Variants in MAGI1 observed in about 807,000 individuals in gnomAD.
The protein encoded by MAGI1 is membrane associated guanylate kinase, WW and PDZ domain containing 1.
A neutral mutation model predicts 139.9 loss-of-function variants in MAGI1; 58 were observed. The ratio of observed to expected loss-of-function variants is 0.41; its 90% confidence interval spans 0.34 to 0.52. The LOEUF (loss-of-function observed/expected upper bound fraction) is 0.52, where lower values mean the gene tolerates loss of function less well. MAGI1 is among the 20% of genes least tolerant of loss of function. The pLI is 0.12. For missense variants in MAGI1, 1,874 were observed against 1,901.6 expected, an observed-to-expected ratio of 0.99 and a Z score of 0.27; for synonymous variants, 812 against 737.9, an observed-to-expected ratio of 1.10 and a Z score of -1.63.
At chr3:65,481,133 T>C (rs943976927) in intron 3 of MAGI1, among the ~76,000 whole-genome samples, 1 of 152,142 alleles carries the variant, frequency 6.6e-6, no homozygotes, top group Non-Finnish European at 1.5e-5. Context: ...ACTCAATCAT[T>C]CAAGTGTTTT....
chr3:65,723,945 C>A (rs1465133367), intron 1 of MAGI1, among the ~76,000 whole-genome samples: 2 of 152,172 alleles, frequency 1.3e-5, no homozygotes, highest in Non-Finnish European at 2.9e-5. Context: ...TAAAAATCTA[C>A]TAGGTGTACC....
chr3:65,597,914 A>C (rs1477289937), intron 2 of MAGI1: 1 of 300,832 alleles, frequency 3.3e-6, no homozygotes, highest in East Asian at 9.6e-5. Flanking sequence ...GGCTGTAAAG[A>C]GAGGCGGGGG....
At chr3:66,004,978 G>T (rs17074263) in intron 1 of MAGI1, among the ~76,000 whole-genome samples, 2,148 of 152,196 alleles carry the variant, frequency 0.014, 96 homozygotes, top group Admixed American at 0.096. Context: ...ATTGCAGCTT[G>T]GTTCCTTCTG....
intron 2 of MAGI1, among the ~76,000 whole-genome samples, chr3:65,508,957 A>C (rs2077424262): frequency 6.6e-6 from 1 of 152,212 alleles, no homozygotes; most frequent in South Asian, 2.1e-4. Flanking sequence ...CAGCAGGGTA[A>C]GACTGCCATT....
rs2089317674 is a variant in MAGI1 at position 65,697,690 on chromosome 3, A to C, written c.314-75602T>G. On this transcript the variant is annotated intron_variant, in intron 1 of 22. Coordinates refer to ENST00000402939, the MANE Select transcript of MAGI1 (RefSeq NM_001033057.2). Reference sequence around the variant, plus strand: ...AATTCAATAACCCTTCATGCTAAAAACTCTCAATAAATTAGGTATTGATGG... The same window carrying C: ...AATTCAATAACCCTTCATGCTAAAACCTCTCAATAAATTAGGTATTGATGG... Among the ~76,000 whole-genome samples, 4 of 110,832 alleles carry C rather than the reference A, an allele frequency of 3.6e-5. 1 individual carries two copies. In the South Asian group the frequency reaches 1.1e-3, roughly 30 times the overall value. 72.7% of individuals were successfully genotyped at this position (110,832 alleles called of 152,430 possible).
rs2067889945 is a variant in MAGI1, at chr3:66,020,249, C to T, written c.313+17747G>A. 2.0e-5 allele frequency among the ~76,000 whole-genome samples: 3 copies of T among 152,128 alleles called. No individual in the cohort carries two copies. In the South Asian group the frequency reaches 6.2e-4, roughly 32 times the overall value. On this transcript the variant is annotated intron_variant, in intron 1 of 22. Transcript: ENST00000402939. ...GAGCTCAGTTTGAGACCAGCCTAGC[C>T]AACATGGTGAAACTCCATCTCTATT...
chr3:65,518,792 C>T (rs976215748), intron 2 of MAGI1, among the ~76,000 whole-genome samples: 3 of 151,806 alleles, frequency 2.0e-5, no homozygotes, highest in Non-Finnish European at 2.9e-5. Flanking sequence ...ATAAATAAAC[C>T]GAGTTTACGT....
At chr3:65,565,765 G>A (rs1268402529) in intron 2 of MAGI1, among the ~76,000 whole-genome samples, 3 of 149,908 alleles carry the variant, frequency 2.0e-5, no homozygotes, top group East Asian at 2.0e-4. Flanking sequence ...GCTGAGGCAG[G>A]AGAATTGCTT....
chr3:65,549,587 G>T, intron 2 of MAGI1: 1 of 553,530 alleles, frequency 1.8e-6, no homozygotes, highest in Non-Finnish European at 2.3e-6. Flanking sequence ...GGGCGGCAGC[G>T]GCGTCAATGC....
At chr3:65,424,507 G>A (rs1472193948) in intron 12 of MAGI1, among the ~76,000 whole-genome samples, 1 of 152,116 alleles carries the variant, frequency 6.6e-6, no homozygotes, top group African/African-American at 2.4e-5. Flanking sequence ...AAAGTATTCA[G>A]TATATGGTCT....
chr3:65,643,802 C>A (rs1311208809), intron 1 of MAGI1, among the ~76,000 whole-genome samples: 1 of 152,172 alleles, frequency 6.6e-6, no homozygotes, highest in Admixed American at 6.5e-5. Flanking sequence ...TATACTTCCA[C>A]CACCACCCAC....
intron 12 of MAGI1, among the ~76,000 whole-genome samples, chr3:65,412,495 T>A (rs1486732255): frequency 6.6e-6 from 1 of 152,238 alleles, no homozygotes; most frequent in East Asian, 1.9e-4. Context: ...TGTTTACTTA[T>A]TGATTGTCTC....
chr3:65,603,341 A>AAT (rs1553678206), intron 2 of MAGI1, among the ~76,000 whole-genome samples: 1 of 152,212 alleles, frequency 6.6e-6, no homozygotes, highest in Non-Finnish European at 1.5e-5. Flanking sequence ...CAGACCAAAA[A>AAT]ATATATATAG....
At chr3:65,408,045 G>A (rs1945496138) in intron 12 of MAGI1, among the ~76,000 whole-genome samples, 1 of 152,174 alleles carries the variant, frequency 6.6e-6, no homozygotes, top group Non-Finnish European at 1.5e-5. Flanking sequence ...AAGCTGCACA[G>A]AAGCACATAA....
intron 1 of MAGI1, among the ~76,000 whole-genome samples, chr3:65,729,072 A>G (rs1576912981): frequency 1.3e-5 from 2 of 148,336 alleles, no homozygotes; most frequent in South Asian, 2.2e-4. Flanking sequence ...TGCATTATCC[A>G]ATAAAAACAA....
At chr3:65,417,916 A>G (rs1448235744) in intron 12 of MAGI1, among the ~76,000 whole-genome samples, 1 of 152,190 alleles carries the variant, frequency 6.6e-6, no homozygotes, top group African/African-American at 2.4e-5. Flanking sequence ...ATTTCAAAGC[A>G]CTGCTTTAGT....
At chr3:65,508,490 T>C (rs181796994) in intron 2 of MAGI1, among the ~76,000 whole-genome samples, 510 of 152,256 alleles carry the variant, frequency 3.3e-3, no homozygotes, top group Non-Finnish European at 6.0e-3. Flanking sequence ...ATAAAGACAA[T>C]AGTCTTTAAA....
intron 1 of MAGI1, among the ~76,000 whole-genome samples, chr3:66,001,162 G>A (rs1482416275): frequency 6.6e-6 from 1 of 152,058 alleles, no homozygotes; most frequent in Non-Finnish European, 1.5e-5. Context: ...GGGGGTGGAG[G>A]ATCTCAAGGC....
In MAGI1 at chr3:65,574,969, A is replaced by C. The variant is rs557156185; in HGVS notation, c.430+47003T>G. Among the ~76,000 whole-genome samples the C allele has an allele frequency of 3.0e-3, 456 of 152,234 alleles. 1 individual carries two copies. Among genetic ancestry groups the C allele is most frequent in the African/African-American group, 9.5e-3 (397 of 41,578 alleles). ...ATAAAACTAAAACCGAAAACCATAA[A>C]ACTTATAGAAGAAAACTTTTGTGAC... On this transcript the variant is annotated intron_variant, in intron 2 of 22. Transcript: ENST00000402939.
Sources: allele counts gnomAD v4.1 joint callset (sites outside exome capture counted in the v4.1 genomes callset), GRCh38; gene constraint gnomAD v4.1.1; transcripts MANE v1.5; gene names NCBI Gene and HGNC (gene_info 2026-07-23, HGNC 2026-07-21).